Variants in NUP210 observed in about 807,000 individuals in gnomAD.
NUP210 encodes nucleoporin 210, also known as nuclear pore membrane glycoprotein 210.
NUP210 carries 151 observed loss-of-function variants against 196.0 expected under a neutral mutation model. That is an observed-to-expected ratio of 0.77 (90% CI 0.67 to 0.88). The LOEUF (loss-of-function observed/expected upper bound fraction) is 0.88. NUP210 is among the 40% of genes least tolerant of loss of function. The pLI is 0.00. For synonymous variants in NUP210, 1,070 were observed against 1,052.7 expected, an observed-to-expected ratio of 1.02 and a Z score of -0.32; for missense variants, 2,314 against 2,493.7, an observed-to-expected ratio of 0.93 and a Z score of 1.53.
At chr3:13,390,285 C>T (rs1383686291) in intron 4 of NUP210, among the ~76,000 whole-genome samples, 1 of 152,168 alleles carries the variant, frequency 6.6e-6, no homozygotes, top group East Asian at 1.9e-4. Context: ...ACTAAACTGG[C>T]AGATTTTCTA....
At chr3:13,334,771 C>T (rs536855175) in intron 28 of NUP210, among the ~76,000 whole-genome samples, 1 of 152,330 alleles carries the variant, frequency 6.6e-6, no homozygotes, top group East Asian at 1.9e-4. Context: ...CACAGCCCAT[C>T]CTATAAGTAG....
intron 5 of NUP210, among the ~76,000 whole-genome samples, chr3:13,387,696 G>A (rs1164705350): frequency 6.6e-6 from 1 of 152,178 alleles, no homozygotes; most frequent in Admixed American, 6.5e-5. Flanking sequence ...GCACTGGTTG[G>A]GTGGACATTA....
At chr3:13,360,244 A>G in intron 15 of NUP210, 26 bp downstream of exon 15, 1 of 1,586,674 alleles carries the variant, frequency 6.3e-7, no homozygotes, top group Non-Finnish European at 8.7e-7. Flanking sequence ...TAGGGCAAGG[A>G]GGGTCTGGAG....
At chr3:13,399,944 G>A (rs1208574649) in intron 1 of NUP210, 83 bp from the exon 2 acceptor site, 37 of 1,487,464 alleles carry the variant, frequency 2.5e-5, no homozygotes, top group South Asian at 1.4e-4. Flanking sequence ...TGTGGCACCC[G>A]TCTAGGGCGC....
chr3:13,417,399 G>GA (rs1016226109), intron 1 of NUP210, among the ~76,000 whole-genome samples: 4 of 152,226 alleles, frequency 2.6e-5, no homozygotes, highest in African/African-American at 9.6e-5. Context: ...TAAACTTAGA[G>GA]CTCAGCTGCA....
Position 13,348,350 on chromosome 3 carries a change from G to A in NUP210, c.2835+3529C>T. Reference sequence around the variant, plus strand: ...CGACCTCTAGGAACTCTTGTTCTTGGAGTAAAGGTCTCCCTCTGGTCACAA... The same window carrying A: ...CGACCTCTAGGAACTCTTGTTCTTGAAGTAAAGGTCTCCCTCTGGTCACAA... On this transcript the variant is annotated intron_variant, in intron 20 of 39. Coordinates refer to ENST00000254508, the MANE Select transcript of NUP210 (RefSeq NM_024923.4). This position sits in a 1 kb window ranked among gnomAD's most constrained non-coding sequence, Gnocchi z 4.0. 1 of 984,364 alleles carries A rather than the reference G, an allele frequency of 1.0e-6. No individual in the cohort carries two copies. Among genetic ancestry groups the A allele is most frequent in the Non-Finnish European group, 1.2e-6 (1 of 828,996 alleles). The allele number at this position is 984,364 out of a possible 1,614,324, so 61.0% of individuals were successfully genotyped here. A position where few individuals can be genotyped will look rare whatever the true frequency, so the allele number is the denominator to read the frequency against.
chr3:13,357,656 A>G (rs1300728004), intron 16 of NUP210, among the ~76,000 whole-genome samples: 1 of 152,144 alleles, frequency 6.6e-6, no homozygotes, highest in Non-Finnish European at 1.5e-5. Flanking sequence ...CTAGGGACTA[A>G]GGCATGGATG....
At position 13,375,632 on chromosome 3, in the gene NUP210, C is replaced by T. The variant is rs552862981; in HGVS notation, c.1303G>A (p.Val435Ile). Residue 435 changes from valine (V) to isoleucine (I), a missense_variant, in exon 11 of 40, where the codon GTC (valine) becomes ATC (isoleucine). Physicochemically the swap from Val to Ile is conservative, Grantham distance 29. Transcript: ENST00000254508. ...LTSVVDQDGG[V>I]HILQVPVWNQ... ...CACACAGGCACCTGTAGTATGTGGA[C>T]CCCTCCATCCTACAAGGGGTGAGGG... The T allele has an allele frequency of 7.4e-6, 12 of 1,613,532 alleles. No individual in the cohort carries two copies. In the Admixed American group the frequency reaches 1.3e-4, roughly 18 times the overall value.
In NUP210 at chr3:13,340,412, C is replaced by G. The variant is rs903240553; in HGVS notation, c.3229-114G>C. On this transcript the variant is annotated intron_variant, in intron 23 of 39. Coordinates refer to ENST00000254508, the MANE Select transcript of NUP210 (RefSeq NM_024923.4). The surrounding 1 kb of genome is among the most constrained non-coding windows in gnomAD (Gnocchi z 4.0). Reference sequence around the variant, plus strand: ...AAAACCTGGGACATGGACATCACTTCTCTCTGAGCAGTGACCAGAGGGCCC... The same window carrying G: ...AAAACCTGGGACATGGACATCACTTGTCTCTGAGCAGTGACCAGAGGGCCC... 2 of 929,780 alleles carry G rather than the reference C, an allele frequency of 2.2e-6. No homozygotes were observed. The highest frequency in any genetic ancestry group is 3.4e-6 in the Non-Finnish European group (2 of 590,706). 57.6% of individuals were successfully genotyped at this position (929,780 alleles called of 1,614,324 possible). A position where few individuals can be genotyped will look rare whatever the true frequency, so the allele number is the denominator to read the frequency against.
intron 1 of NUP210, among the ~76,000 whole-genome samples, chr3:13,401,259 C>T (rs562119928): frequency 5.9e-4 from 26 of 43,820 alleles, no homozygotes; most frequent in Admixed American, 1.5e-3. Context: ...GACTCTGGCT[C>T]AAAAAAAAAA....
chr3:13,383,857 C>A (rs1351091312), intron 6 of NUP210, among the ~76,000 whole-genome samples: 1 of 151,790 alleles, frequency 6.6e-6, no homozygotes, highest in Admixed American at 6.6e-5. Flanking sequence ...CAGCCCATCC[C>A]CTCTTAACTA....
At chr3:13,412,839 C>T (rs559820240) in intron 1 of NUP210, among the ~76,000 whole-genome samples, 32 of 148,432 alleles carry the variant, frequency 2.2e-4, no homozygotes, top group South Asian at 2.2e-4. Context: ...GGCATGGTGG[C>T]GGGCACCTGT....
chr3:13,353,764 C>T (rs1366797370), intron 17 of NUP210, 104 bp from the exon 18 acceptor site: 2 of 1,266,504 alleles, frequency 1.6e-6, no homozygotes, highest in African/African-American at 1.5e-5. Context: ...TGAAAACAGA[C>T]AACTGTGTGT....
chr3:13,397,610 G>T, intron 2 of NUP210, 122 bp from the exon 3 acceptor site: 1 of 1,066,694 alleles, frequency 9.4e-7, no homozygotes, highest in Non-Finnish European at 1.3e-6. Context: ...ACCCTCAGAA[G>T]CCAAGCAGCT....
intron 20 of NUP210, among the ~76,000 whole-genome samples, chr3:13,346,712 T>C (rs1389576378): frequency 6.6e-6 from 1 of 152,200 alleles, no homozygotes; most frequent in Non-Finnish European, 1.5e-5. Flanking sequence ...AGGTGGCGAC[T>C]GCAGGGGATA....
Position 13,379,713 on chromosome 3 carries a change from T to C in NUP210, c.826A>G (p.Met276Val). The C allele has an allele frequency of 6.3e-7, 1 of 1,580,750 alleles. No homozygotes were observed. The highest frequency in any genetic ancestry group is 2.3e-5 in the East Asian group (1 of 44,344). ...TGCAACTCGTACTGATCGGAAGGCA[T>C]GGAGAGTTCTGGCCACCAAGAAACA... ...IRQGKITELS[M>V]PSDQYELQLQ... Residue 276 changes from methionine to valine, a missense_variant, in exon 7 of 40, where the codon ATG (methionine) becomes GTG (valine). Coordinates refer to ENST00000254508, the MANE Select transcript of NUP210 (RefSeq NM_024923.4). The surrounding 1 kb of genome is among the most constrained non-coding windows in gnomAD (Gnocchi z 4.2).
chr3:13,347,269 G>A lies in NUP210; in HGVS notation c.2836-3966C>T. Reference sequence around the variant, plus strand: ...TAACACAGCACCTGGCACACGATAAGCACTCCAGCGTCTCTGAGTGCACGA... The same window carrying A: ...TAACACAGCACCTGGCACACGATAAACACTCCAGCGTCTCTGAGTGCACGA... On this transcript the variant is annotated intron_variant, in intron 20 of 39. Transcript: ENST00000254508. This position sits in a 1 kb window ranked among gnomAD's most constrained non-coding sequence, Gnocchi z 4.7. The A allele has an allele frequency of 1.0e-6, 1 of 985,354 alleles. No homozygotes were observed. The allele number at this position is 985,354 out of a possible 1,614,324, so 61.0% of individuals were successfully genotyped here. A position where few individuals can be genotyped will look rare whatever the true frequency, so the allele number is the denominator to read the frequency against.
chr3:13,333,238 C>G (rs1375912323), intron 28 of NUP210, among the ~76,000 whole-genome samples: 3 of 152,268 alleles, frequency 2.0e-5, no homozygotes, highest in Non-Finnish European at 4.4e-5. Context: ...CTCCAGGCCC[C>G]TTCTCTGCAA....
chr3:13,381,153 A>G (rs2124923800), intron 6 of NUP210, among the ~76,000 whole-genome samples: 1 of 152,394 alleles, frequency 6.6e-6, no homozygotes. Flanking sequence ...GGAGCAGTGC[A>G]TCAAAGATAA....
Sources: gnomAD v4.1 joint callset for allele counts (sites outside exome capture counted in the v4.1 genomes callset) on GRCh38, gnomAD v4.1.1 for gene constraint, Gnocchi (gnomAD v3.1) non-coding constraint, MANE v1.5 for transcripts, NCBI Gene and HGNC (gene_info 2026-07-23, HGNC 2026-07-21) for gene names.